MYO16: variants seen among roughly 807,000 people sequenced by gnomAD.
The protein encoded by MYO16 is unconventional myosin-XVI.
In MYO16, 94 loss-of-function variants were observed where a neutral mutation model predicts 205.3. The ratio of observed to expected loss-of-function variants is 0.46; its 90% CI spans 0.39 to 0.54. The LOEUF is 0.54. Ranked by LOEUF, MYO16 falls within the 20% of genes least tolerant of loss-of-function variation. The pLI, the probability that MYO16 is intolerant of heterozygous loss-of-function variation, is 0.00. For synonymous variants in MYO16, 988 were observed against 954.0 expected, an observed-to-expected ratio of 1.04 and a Z score of -0.66; for missense variants, 2,315 against 2,387.5, an observed-to-expected ratio of 0.97 and a Z score of 0.63.
At chr13:108,798,481 C>T (rs1159740816) in intron 6 of MYO16, among the ~76,000 whole-genome samples, 1 of 151,950 alleles carries the variant, frequency 6.6e-6, no homozygotes, top group Non-Finnish European at 1.5e-5. Flanking sequence ...TTTACATTAT[C>T]TTCTTGTTAA....
chr13:109,173,952 G>C (rs953172349), intron 33 of MYO16, among the ~76,000 whole-genome samples: 1 of 147,306 alleles, frequency 6.8e-6, no homozygotes, highest in Non-Finnish European at 1.5e-5. Context: ...TTTGATGGGG[G>C]GGGGTACTCT....
At chr13:108,726,255 T>C (rs1343014209) in intron 3 of MYO16, among the ~76,000 whole-genome samples, 1 of 152,160 alleles carries the variant, frequency 6.6e-6, no homozygotes, top group Non-Finnish European at 1.5e-5. Context: ...AACTTATAGA[T>C]GTAAATATGA....
intron 27 of MYO16, among the ~76,000 whole-genome samples, chr13:109,100,349 G>A (rs551860438): frequency 1.3e-5 from 2 of 152,296 alleles, no homozygotes; most frequent in African/African-American, 4.8e-5. Context: ...CTGAATGGAC[G>A]TTTTGGTATT....
At position 109,207,981 on chromosome 13, in the gene MYO16, A is replaced by G. The variant is rs2139987462; in HGVS notation, c.*1145A>G. On this transcript the variant is annotated 3_prime_UTR_variant, in exon 35 of 35. Coordinates refer to ENST00000457511, the MANE Select transcript of MYO16 (RefSeq NM_001198950.3). ...GCCTTTGAAAAGTTACTGTGCCAAT[A>G]AAGAGGTACAACTGTGTTCTTCTAT... 1 of 152,358 alleles carries G rather than the reference A, an allele frequency of 6.6e-6. No individual in the cohort carries two copies. 9.4% of individuals were successfully genotyped at this position (152,358 alleles called of 1,614,324 possible).
At chr13:108,902,138 A>G (rs1298061450) in intron 15 of MYO16, among the ~76,000 whole-genome samples, 3 of 152,226 alleles carry the variant, frequency 2.0e-5, no homozygotes, top group Non-Finnish European at 4.4e-5. Flanking sequence ...TATGCGTACT[A>G]TAAAGAGCAG....
At chr13:108,908,522 T>C (rs556073966) in intron 15 of MYO16, among the ~76,000 whole-genome samples, 2 of 152,328 alleles carry the variant, frequency 1.3e-5, no homozygotes, top group Admixed American at 1.3e-4. Flanking sequence ...GCAAATTCAT[T>C]ACATGAGTTT....
intron 12 of MYO16, among the ~76,000 whole-genome samples, chr13:108,868,664 T>G (rs1878847025): frequency 6.6e-6 from 1 of 152,092 alleles, no homozygotes; most frequent in African/African-American, 2.4e-5. Flanking sequence ...GGCTCACGCC[T>G]GTAATCTCAG....
At chr13:109,049,105 G>A (rs1330243614) in intron 24 of MYO16, 1 of 92,206 alleles carries the variant, frequency 1.1e-5, no homozygotes, top group Non-Finnish European at 2.0e-5. Context: ...TTTTTGCTGT[G>A]TGTCTCTGTA....
intron 10 of MYO16, among the ~76,000 whole-genome samples, chr13:108,847,707 T>G (rs1877594207): frequency 1.3e-5 from 2 of 152,278 alleles, no homozygotes; most frequent in East Asian, 3.9e-4. Context: ...CGAGAACCAC[T>G]AAAATTAACA....
At chr13:108,642,689 A>T (rs1174725667) in intron 1 of MYO16, among the ~76,000 whole-genome samples, 1 of 152,160 alleles carries the variant, frequency 6.6e-6, no homozygotes, top group East Asian at 1.9e-4. Context: ...AAGTGCTGGG[A>T]TTACAGGTGT....
the MYO16 span, among the ~76,000 whole-genome samples, chr13:108,590,993 C>G: frequency 6.6e-6 from 1 of 152,162 alleles, no homozygotes; most frequent in African/African-American, 2.4e-5. Flanking sequence ...GTTGAATATA[C>G]AAAAGACAAA....
At chr13:109,098,862 G>A (rs1484180380) in intron 27 of MYO16, among the ~76,000 whole-genome samples, 1 of 152,124 alleles carries the variant, frequency 6.6e-6, no homozygotes, top group Non-Finnish European at 1.5e-5. Flanking sequence ...CATTGTTGTT[G>A]CATAGAATAA....
chr13:108,682,561 G>A (rs1487956950), intron 2 of MYO16, among the ~76,000 whole-genome samples: 1 of 152,042 alleles, frequency 6.6e-6, no homozygotes, highest in East Asian at 1.9e-4. Flanking sequence ...AAATGCTATA[G>A]ATTAAATATT....
At chr13:108,889,549 C>G (rs7986272) in intron 14 of MYO16, among the ~76,000 whole-genome samples, 43,919 of 151,992 alleles carry the variant, frequency 0.29, 6,638 homozygotes, top group African/African-American at 0.32. Context: ...GTGGGGGGAA[C>G]AGACAGGACA....
rs150678597 is a variant in MYO16 at position 108,694,221 on chromosome 13, A to C, written c.293-18440A>C. 4.4e-3 allele frequency among the ~76,000 whole-genome samples: 667 copies of C among 152,248 alleles called. 3 individuals are homozygous for C. Among genetic ancestry groups the C allele is most frequent in the African/African-American group, 0.015 (627 of 41,548 alleles). ...AGCACCTGATATTTTTTGACTTTTTAATAATAGCCATACTGAGTGGTGTGA... is the reference window on the plus strand; with the variant it reads ...AGCACCTGATATTTTTTGACTTTTTCATAATAGCCATACTGAGTGGTGTGA... On this transcript the variant is annotated intron_variant, in intron 2 of 34. Coordinates refer to ENST00000457511, the MANE Select transcript of MYO16 (RefSeq NM_001198950.3).
intron 27 of MYO16, among the ~76,000 whole-genome samples, chr13:109,095,080 C>G (rs1888737624): frequency 6.6e-6 from 1 of 152,184 alleles, no homozygotes; most frequent in Non-Finnish European, 1.5e-5. Context: ...AACCACAAAC[C>G]CTGATTCTAG....
chr13:108,683,905 C>G (rs1882565778), intron 2 of MYO16, among the ~76,000 whole-genome samples: 1 of 152,124 alleles, frequency 6.6e-6, no homozygotes, highest in South Asian at 2.1e-4. Context: ...TAGAAACAGT[C>G]TCGCTCTGTC....
intron 9 of MYO16, among the ~76,000 whole-genome samples, chr13:108,825,161 A>G (rs950455753): frequency 4.6e-5 from 7 of 152,104 alleles, no homozygotes; most frequent in East Asian, 1.9e-4. Context: ...AACACCAGCA[A>G]ATCAGGTTGA....
At chr13:108,967,787 G>A (rs1883853052) in intron 20 of MYO16, among the ~76,000 whole-genome samples, 2 of 152,136 alleles carry the variant, frequency 1.3e-5, no homozygotes, top group Non-Finnish European at 2.9e-5. Flanking sequence ...AAGAAATGTT[G>A]TTAAATAGCT....
Sources: allele counts gnomAD v4.1 joint callset (sites outside exome capture counted in the v4.1 genomes callset), GRCh38; gene constraint gnomAD v4.1.1; transcripts MANE v1.5; gene names NCBI Gene and HGNC (gene_info 2026-07-23, HGNC 2026-07-21).